GUF1: variants seen among roughly 807,000 people sequenced by gnomAD.
GUF1 encodes translation factor GUF1, mitochondrial.
GUF1 carries 78 observed loss-of-function variants against 82.4 expected under a neutral mutation model. The ratio of observed to expected loss-of-function variants is 0.95; its 90% CI spans 0.79 to 1.14. The LOEUF is 1.14. Among genes scored for constraint, GUF1 ranks in the 50% most tolerant of loss-of-function variants. The pLI is 0.00. For missense variants in GUF1, 814 were observed against 798.2 expected, an observed-to-expected ratio of 1.02 and a Z score of -0.24; for synonymous variants, 279 against 282.3, an observed-to-expected ratio of 0.99 and a Z score of 0.12.
At chr4:44,688,483 CAGT>C (rs1412832206) in intron 9 of GUF1, among the ~76,000 whole-genome samples, 1 of 151,798 alleles carries the variant, frequency 6.6e-6, no homozygotes, top group African/African-American at 2.4e-5. Context: ...TAGTAATTAT[CAGT>C]AGACACTGAC....
rs893569201 is a variant in GUF1, at chr4:44,691,717, A to G, written c.1531A>G (p.Met511Val). 6.3e-7 allele frequency: 1 copy of G among 1,582,802 alleles called. No homozygotes were observed. The highest frequency in any genetic ancestry group is 1.4e-5 in the African/African-American group (1 of 73,884). Residue 511 changes from methionine (M) to valine (V), a missense_variant, in exon 13 of 17, where the codon ATG becomes GTG. Transcript: ENST00000281543. The part of the protein sequence containing the change: ...NMIFIDQNRV[M>V]LKYLFPLNEI... ...GATATTTATTGATCAAAATAGAGTT[A>G]TGCTTAAATATCTCTTTCCTTTGAA...
chr4:44,680,907 T>A, intron 3 of GUF1, 65 bp downstream of exon 3: 5 of 1,388,058 alleles, frequency 3.6e-6, no homozygotes, highest in Non-Finnish European at 5.0e-6. Context: ...TGCAAACAGA[T>A]CCTTGTTTAA....
intron 6 of GUF1, 75 bp from the exon 7 acceptor site, chr4:44,685,884 A>G (rs1715015844): frequency 2.1e-6 from 2 of 963,806 alleles, no homozygotes; most frequent in Non-Finnish European, 1.6e-6. Context: ...TTCTGATCAT[A>G]AGTCACAGGT....
In GUF1 at chr4:44,698,762, T is replaced by G. The variant is rs888421576; in HGVS notation, c.*81T>G. On this transcript the variant is annotated 3_prime_UTR_variant, in exon 17 of 17. Transcript: ENST00000281543. ...GAAAATTATAAAATTTGCTTGTTAC[T>G]TTCAGGGTATTCAGGTTCAAATAAC... is the stretch of plus-strand genomic sequence containing the variant. 8.4e-6 allele frequency: 11 copies of G among 1,305,320 alleles called. No homozygotes were observed. Among genetic ancestry groups the G allele is most frequent in the South Asian group, 1.5e-5 (1 of 68,160 alleles). 80.9% of individuals were successfully genotyped at this position (1,305,320 alleles called of 1,614,324 possible). A position where few individuals can be genotyped will look rare whatever the true frequency, so the allele number is the denominator to read the frequency against.
chr4:44,689,324 A>C lies in GUF1; in HGVS notation c.1117A>C (p.Lys373Gln), dbSNP rs1715270822. ...PLDQSEYNNL[K>Q]SAIEKLTLND... Reference sequence around the variant, plus strand: ...AGACCAATCTGAATATAACAATCTGAAGAGTGCTATAGAAAAACTGACTTT... The same window carrying C: ...AGACCAATCTGAATATAACAATCTGCAGAGTGCTATAGAAAAACTGACTTT... Residue 373 changes from lysine (K) to glutamine (Q), a missense_variant, in exon 10 of 17, where the codon AAG becomes CAG. Transcript: ENST00000281543. 9 of 1,609,864 alleles carry C rather than the reference A, an allele frequency of 5.6e-6. No individual in the cohort carries two copies. Among genetic ancestry groups the C allele is most frequent in the South Asian group, 1.1e-5 (1 of 90,826 alleles).
intron 11 of GUF1, 66 bp from the exon 12 acceptor site, chr4:44,690,651 G>T (rs1164900908): frequency 3.2e-6 from 3 of 923,954 alleles, no homozygotes; most frequent in Non-Finnish European, 4.8e-6. Flanking sequence ...AAAATATAAG[G>T]CAAACAAGAA....
chr4:44,695,026 C>T (rs1313693913), intron 14 of GUF1, among the ~76,000 whole-genome samples: 2 of 152,028 alleles, frequency 1.3e-5, no homozygotes, highest in African/African-American at 2.4e-5. Context: ...AGGATGGTCT[C>T]GATCTCTTGA....
chr4:44,678,437 G>C lies in GUF1; in HGVS notation c.-186G>C, dbSNP rs1577758619. Reference sequence around the variant, plus strand: ...CGGCGTGCAGACGTCGGCAAGCTGCGCCGCCGCTTCGGGTTGCTTCCGGAT... The same window carrying C: ...CGGCGTGCAGACGTCGGCAAGCTGCCCCGCCGCTTCGGGTTGCTTCCGGAT... On this transcript the variant is annotated 5_prime_UTR_variant, in exon 1 of 17. Coordinates refer to ENST00000281543, the MANE Select transcript of GUF1 (RefSeq NM_021927.3). The C allele has an allele frequency of 2.0e-6, 1 of 497,762 alleles. No homozygotes were observed. Among genetic ancestry groups the C allele is most frequent in the Non-Finnish European group, 3.4e-6 (1 of 297,274 alleles). 30.8% of individuals were successfully genotyped at this position (497,762 alleles called of 1,614,324 possible). A position where few individuals can be genotyped will look rare whatever the true frequency, so the allele number is the denominator to read the frequency against.
intron 16 of GUF1, 80 bp from the exon 17 acceptor site, chr4:44,698,464 T>A: frequency 9.2e-7 from 1 of 1,089,030 alleles, no homozygotes; most frequent in Non-Finnish European, 1.3e-6. Context: ...GTTGTTAAGG[T>A]TGTACTGATG....
chr4:44,687,485 A>G (rs993212438), intron 8 of GUF1, among the ~76,000 whole-genome samples: 6 of 152,024 alleles, frequency 3.9e-5, no homozygotes, highest in African/African-American at 1.4e-4. Context: ...TTCTAAGTGT[A>G]AATCATTTTA....
At chr4:44,691,906 G>T (rs1715471567) in intron 13 of GUF1, 107 bp downstream of exon 13, 1 of 803,710 alleles carries the variant, frequency 1.2e-6, no homozygotes, top group African/African-American at 1.8e-5. Context: ...CTTTCTTGAA[G>T]ATAGTTGAGA....
At chr4:44,695,409 T>A (rs1438780169) in intron 14 of GUF1, among the ~76,000 whole-genome samples, 2 of 152,342 alleles carry the variant, frequency 1.3e-5, no homozygotes, top group Middle Eastern at 3.4e-3. Flanking sequence ...TGTCTAATGT[T>A]GTATTTCTAA....
At position 44,689,983 on chromosome 4, in the gene GUF1, G is replaced by T. The variant is rs2109652956; in HGVS notation, c.1335+8G>T. 1 of 1,563,208 alleles carries T rather than the reference G, an allele frequency of 6.4e-7. No individual in the cohort carries two copies. On this transcript the variant is annotated splice_region_variant and intron_variant, in intron 11 of 16. Coordinates refer to ENST00000281543, the MANE Select transcript of GUF1 (RefSeq NM_021927.3). ...TCATCAAAATTGATAAAGGTACTTG[G>T]TATTTAGTACTGGTATTTAGTACTG...
At chr4:44,681,919 T>G (rs1714794815) in intron 4 of GUF1, among the ~76,000 whole-genome samples, 1 of 152,150 alleles carries the variant, frequency 6.6e-6, no homozygotes, top group Non-Finnish European at 1.5e-5. Context: ...TTACATCTTT[T>G]GTTTCTCCAA....
intron 6 of GUF1, among the ~76,000 whole-genome samples, chr4:44,684,680 G>A (rs930667693): frequency 1.3e-5 from 2 of 151,988 alleles, no homozygotes; most frequent in Non-Finnish European, 2.9e-5. Flanking sequence ...TGATCCAGGA[G>A]GAAACAATAT....
chr4:44,695,496 T>G (rs1050769949), intron 14 of GUF1, 119 bp from the exon 15 acceptor site: 4 of 614,132 alleles, frequency 6.5e-6, no homozygotes, highest in Non-Finnish European at 1.0e-5. Flanking sequence ...GATTTATAAG[T>G]AAGTTCCATT....
chr4:44,695,357 G>A (rs978500972), intron 14 of GUF1, among the ~76,000 whole-genome samples: 4 of 152,164 alleles, frequency 2.6e-5, no homozygotes, highest in South Asian at 2.1e-4. Context: ...ATGTTTAACC[G>A]TTTTCAGCGG....
intron 9 of GUF1, 31 bp downstream of exon 9, chr4:44,688,177 G>A (rs1357312192): frequency 6.4e-7 from 1 of 1,569,136 alleles, no homozygotes; most frequent in East Asian, 2.3e-5. Context: ...AAGGTTGAGG[G>A]CCATGATATT....
chr4:44,697,466 T>C, intron 16 of GUF1, 22 bp downstream of exon 16: 2 of 1,374,772 alleles, frequency 1.5e-6, no homozygotes, highest in Non-Finnish European at 2.0e-6. Flanking sequence ...GTTGTATTTA[T>C]TCTACTTTAT....
Sources: gnomAD v4.1 joint callset for allele counts (sites outside exome capture counted in the v4.1 genomes callset) on GRCh38, gnomAD v4.1.1 for gene constraint, MANE v1.5 for transcripts, NCBI Gene and HGNC (gene_info 2026-07-23, HGNC 2026-07-21) for gene names.